NLGN4X: variants seen among roughly 807,000 people sequenced by gnomAD.
NLGN4X encodes the protein neuroligin 4 X-linked, also known as neuroligin-4, X-linked.
NLGN4X carries 3 observed loss-of-function variants against 40.3 expected under a neutral mutation model. The observed-to-expected ratio is 0.07, with a 90% confidence interval of 0.03 to 0.19. NLGN4X has a LOEUF of 0.19. Ranked by LOEUF, NLGN4X falls within the 10% of genes least tolerant of loss-of-function variation. NLGN4X has a pLI of 1.00. For synonymous variants in NLGN4X, 270 were observed against 306.8 expected, an observed-to-expected ratio of 0.88 and a Z score of 1.25; for missense variants, 382 against 708.3, an observed-to-expected ratio of 0.54 and a Z score of 5.23.
chrX:5,950,895 G>C (rs764140110), intron 3 of NLGN4X, among the ~76,000 whole-genome samples: 1 of 111,829 alleles, frequency 8.9e-6, no homozygotes, highest in Non-Finnish European at 1.9e-5. Flanking sequence ...GAAGTAGGAC[G>C]GAGAAGAAAC....
intron 2 of NLGN4X, among the ~76,000 whole-genome samples, chrX:6,058,577 T>A (rs1319882718): frequency 1.8e-5 from 2 of 112,115 alleles, no homozygotes; most frequent in Non-Finnish European, 3.8e-5. Context: ...ACATTATGTC[T>A]TTTTAGGGAT....
rs138516193 is a variant in NLGN4X, at chrX:5,937,907, G to A, written c.626-28668C>T. ...TTGCATCCTTTTTTCCCAAAAATACGTTGGAGATTTTGTCCAAGTCTGTGG... is the reference window on the plus strand; with the variant it reads ...TTGCATCCTTTTTTCCCAAAAATACATTGGAGATTTTGTCCAAGTCTGTGG... On this transcript the variant is annotated intron_variant, in intron 3 of 5. Transcript: ENST00000381095. Among the ~76,000 whole-genome samples, 5 of 112,095 alleles carry A rather than the reference G, an allele frequency of 4.5e-5. No homozygotes were observed. The South Asian group carries it at 1.1e-3, about 25-fold the overall frequency.
intron 2 of NLGN4X, among the ~76,000 whole-genome samples, chrX:6,150,609 C>T (rs2040143273): frequency 8.9e-6 from 1 of 111,869 alleles, no homozygotes; most frequent in Non-Finnish European, 1.9e-5. Flanking sequence ...TTTCAGTTTG[C>T]AAACTGGAGC....
intron 4 of NLGN4X, among the ~76,000 whole-genome samples, chrX:5,907,534 G>A (rs760969983): frequency 1.1e-4 from 12 of 111,849 alleles, no homozygotes; most frequent in Non-Finnish European, 1.7e-4. Flanking sequence ...ATCTGGTTGG[G>A]TACGGGTGCC....
At chrX:6,193,711 C>G (rs1922793690) in intron 1 of NLGN4X, among the ~76,000 whole-genome samples, 1 of 111,421 alleles carries the variant, frequency 9.0e-6, no homozygotes, top group African/African-American at 3.3e-5. Context: ...CTCTATGCAA[C>G]CATTTTAGCA....
At chrX:5,923,150 C>T (rs890208088) in intron 3 of NLGN4X, among the ~76,000 whole-genome samples, 4 of 111,854 alleles carry the variant, frequency 3.6e-5, no homozygotes, top group Non-Finnish European at 5.6e-5. Flanking sequence ...CAGGATCTCA[C>T]TTTGTCACCC....
chrX:5,938,970 T>C (rs1389065501), intron 3 of NLGN4X, among the ~76,000 whole-genome samples: 3 of 106,138 alleles, frequency 2.8e-5, no homozygotes, highest in African/African-American at 3.7e-5. Context: ...TGTGTGCGTG[T>C]GTGTGTGTGT....
Position 6,040,939 on chromosome X carries a change from C to T in NLGN4X, c.473-11507G>A, listed in dbSNP as rs139590018. Among the ~76,000 whole-genome samples, 1,050 of 111,286 alleles carry T rather than the reference C, an allele frequency of 9.4e-3. 6 individuals are homozygous for T. The highest frequency in any genetic ancestry group is 0.016 in the Non-Finnish European group (832 of 53,007). On this transcript the variant is annotated intron_variant, in intron 2 of 5. Coordinates refer to ENST00000381095, the MANE Select transcript of NLGN4X (RefSeq NM_181332.3). ...ATGGCAGAACATTTTCATGATCCCC[C>T]CCAAAAAAATATGGTACCATTTAGT...
At chrX:6,154,327 C>T (rs1427740914) in intron 1 of NLGN4X, among the ~76,000 whole-genome samples, 1 of 111,848 alleles carries the variant, frequency 8.9e-6, no homozygotes, top group Non-Finnish European at 1.9e-5. Context: ...ATAATTAGTG[C>T]TGTCGTGTAT....
At chrX:5,968,457 CTGTGTGTGTGTGTG>C (rs529573810) in intron 3 of NLGN4X, among the ~76,000 whole-genome samples, 675 of 46,770 alleles carry the variant, frequency 0.014, 30 homozygotes, top group African/African-American at 0.044. Context: ...CTCTCTCTCT[CTGTGTGTGTGTGTG>C]TGTGTGTGTG....
intron 3 of NLGN4X, among the ~76,000 whole-genome samples, chrX:6,012,938 C>T (rs146624929): frequency 2.8e-3 from 315 of 111,491 alleles, no homozygotes; most frequent in African/African-American, 9.8e-3. Context: ...TTGTTATGGC[C>T]GCTCTAGAAA....
chrX:5,984,868 A>C (rs2035487300), intron 3 of NLGN4X, among the ~76,000 whole-genome samples: 1 of 112,438 alleles, frequency 8.9e-6, no homozygotes, highest in African/African-American at 3.2e-5. Flanking sequence ...TATATTTTAG[A>C]TCACCGATAG....
At chrX:5,963,407 A>G (rs935780282) in intron 3 of NLGN4X, among the ~76,000 whole-genome samples, 4 of 112,074 alleles carry the variant, frequency 3.6e-5, no homozygotes, top group Non-Finnish European at 7.5e-5. Flanking sequence ...TGTGAGTGAT[A>G]AAAGTAGATT....
chrX:6,143,960 G>C (rs185869459), intron 2 of NLGN4X, among the ~76,000 whole-genome samples: 3 of 111,537 alleles, frequency 2.7e-5, no homozygotes, highest in Non-Finnish European at 5.6e-5. Context: ...CTTCTTCTCT[G>C]AACCTCAATA....
intron 1 of NLGN4X, among the ~76,000 whole-genome samples, chrX:6,181,125 C>T (rs923497227): frequency 1.3e-4 from 14 of 110,970 alleles, no homozygotes; most frequent in Non-Finnish European, 2.6e-4. Flanking sequence ...TGAGGGTAGG[C>T]CTGTGGGGAA....
intron 2 of NLGN4X, among the ~76,000 whole-genome samples, chrX:6,115,328 A>T (rs1282726653): frequency 2.7e-5 from 3 of 112,006 alleles, no homozygotes; most frequent in Non-Finnish European, 5.6e-5. Flanking sequence ...GTGCCTTGGG[A>T]ATATAGGATA....
intron 2 of NLGN4X, among the ~76,000 whole-genome samples, chrX:6,114,443 C>T (rs2039224745): frequency 9.2e-6 from 1 of 108,853 alleles, no homozygotes; most frequent in Non-Finnish European, 1.9e-5. Context: ...AGTGTTATAA[C>T]TTAAAGCTCT....
intron 2 of NLGN4X, among the ~76,000 whole-genome samples, chrX:6,090,463 G>T (rs2038609477): frequency 9.0e-6 from 1 of 110,887 alleles, no homozygotes; most frequent in Non-Finnish European, 1.9e-5. Flanking sequence ...ACACATAAAA[G>T]TAGACCATAG....
chrX:6,005,326 T>C (rs1002522992), intron 3 of NLGN4X, among the ~76,000 whole-genome samples: 1 of 111,634 alleles, frequency 9.0e-6, no homozygotes, highest in African/African-American at 3.3e-5. Context: ...TTTAAGGTCA[T>C]GTCAACCAAT....
Sources: gnomAD v4.1 joint callset for allele counts (sites outside exome capture counted in the v4.1 genomes callset) on GRCh38, gnomAD v4.1.1 for gene constraint, MANE v1.5 for transcripts, NCBI Gene and HGNC (gene_info 2026-07-23, HGNC 2026-07-21) for gene names.